TXLNG: variants seen among roughly 807,000 people sequenced by gnomAD.
TXLNG encodes gamma-taxilin.
Under a neutral mutation model 38.8 loss-of-function variants are expected in TXLNG, and 5 were observed. The observed-to-expected ratio is 0.13, with a 90% CI of 0.07 to 0.27. The LOEUF (loss-of-function observed/expected upper bound fraction) is 0.27, where lower values mean the gene tolerates loss of function less well. Ranked by LOEUF, TXLNG falls within the 10% of genes least tolerant of loss-of-function variation. TXLNG has a pLI of 1.00. For synonymous variants in TXLNG, 182 were observed against 158.2 expected (o/e 1.15, Z -1.13); for missense variants, 393 against 398.2 (o/e 0.99, Z 0.11).
chrX:16,823,619 T>C (rs1929065098), intron 3 of TXLNG, among the ~76,000 whole-genome samples: 1 of 111,303 alleles, frequency 9.0e-6, no homozygotes, highest in South Asian at 3.8e-4. Flanking sequence ...TCATTGTGCT[T>C]GTTGCACTGA....
intron 1 of TXLNG, among the ~76,000 whole-genome samples, chrX:16,791,047 G>A: frequency 8.9e-6 from 1 of 111,956 alleles, no homozygotes; most frequent in Non-Finnish European, 1.9e-5. Context: ...CCTACCACAG[G>A]GGATTACTGT....
chrX:16,802,457 G>A (rs1928141546), intron 1 of TXLNG, among the ~76,000 whole-genome samples: 1 of 109,838 alleles, frequency 9.1e-6, no homozygotes, highest in South Asian at 3.9e-4. Flanking sequence ...CGCCATGTTG[G>A]CCAGGCTGGT....
intron 1 of TXLNG, among the ~76,000 whole-genome samples, chrX:16,788,273 T>C (rs1027622611): frequency 6.2e-5 from 7 of 112,246 alleles, no homozygotes. Flanking sequence ...TGAGGTTTAA[T>C]CAACTAGCAT....
chrX:16,821,725 T>C (rs1247140379), intron 3 of TXLNG, among the ~76,000 whole-genome samples: 1 of 111,706 alleles, frequency 9.0e-6, no homozygotes, highest in Non-Finnish European at 1.9e-5. Flanking sequence ...GCGCGGTGGC[T>C]CACGCCTGTA....
At chrX:16,799,036 C>T (rs1040471041) in intron 1 of TXLNG, among the ~76,000 whole-genome samples, 7 of 110,279 alleles carry the variant, frequency 6.3e-5, no homozygotes, top group Admixed American at 3.9e-4. Flanking sequence ...TGCGCCACCA[C>T]GCCCGGCTAA....
At chrX:16,826,162 G>A (rs1165819725) in intron 3 of TXLNG, among the ~76,000 whole-genome samples, 1 of 111,873 alleles carries the variant, frequency 8.9e-6, no homozygotes, top group African/African-American at 3.2e-5. Context: ...AAAGGCAGGA[G>A]CTCTGCACCC....
At chrX:16,840,354 G>A (rs747208190) in intron 9 of TXLNG, 3 of 560,083 alleles carry the variant, frequency 5.4e-6, no homozygotes, top group Non-Finnish European at 6.5e-6. Context: ...AGGTGATGCT[G>A]ATGCAGCATG....
rs752201155 is a variant in TXLNG at position 16,805,718 on chromosome X, C to T, written c.103-12856C>T. 2.7e-5 allele frequency among the ~76,000 whole-genome samples: 3 copies of T among 112,259 alleles called. No homozygotes were observed. In the South Asian group the frequency reaches 1.1e-3, roughly 41 times the overall value. ...CAGTGCTATATAACTTAGGAAGTCT[C>T]AGACAAGTATTTCATACCTAAAATT... On this transcript the variant is annotated intron_variant, in intron 1 of 9. Transcript: ENST00000380122.
intron 1 of TXLNG, among the ~76,000 whole-genome samples, chrX:16,805,542 A>C (rs1928305657): frequency 8.9e-6 from 1 of 112,813 alleles, no homozygotes; most frequent in Non-Finnish European, 1.9e-5. Context: ...ATCTTGGTAT[A>C]TCTGGAGGGG....
At chrX:16,806,374 G>T (rs1928328314) in intron 1 of TXLNG, among the ~76,000 whole-genome samples, 1 of 112,517 alleles carries the variant, frequency 8.9e-6, no homozygotes, top group East Asian at 2.8e-4. Flanking sequence ...AGCGAGCATG[G>T]TTGCACATAC....
At chrX:16,789,294 A>G (rs776460418) in intron 1 of TXLNG, among the ~76,000 whole-genome samples, 1 of 110,892 alleles carries the variant, frequency 9.0e-6, no homozygotes, top group South Asian at 3.8e-4. Flanking sequence ...TTGTTTCATA[A>G]CTACAACCAT....
At chrX:16,807,802 G>A (rs1002042379) in intron 1 of TXLNG, among the ~76,000 whole-genome samples, 6 of 111,354 alleles carry the variant, frequency 5.4e-5, no homozygotes, top group African/African-American at 2.0e-4. Context: ...GCCTGGCCCT[G>A]GTCAAAGGTG....
chrX:16,797,760 C>T (rs1182186545), intron 1 of TXLNG, among the ~76,000 whole-genome samples: 1 of 112,486 alleles, frequency 8.9e-6, no homozygotes, highest in Non-Finnish European at 1.9e-5. Context: ...AGAAGCCAGT[C>T]ACTAGTTTCA....
chrX:16,798,027 A>G (rs1329603490), intron 1 of TXLNG, among the ~76,000 whole-genome samples: 2 of 112,411 alleles, frequency 1.8e-5, no homozygotes, highest in African/African-American at 3.2e-5. Context: ...ACATGTATGT[A>G]GTTGGAACAG....
chrX:16,839,339 G>A (rs1288646536), intron 8 of TXLNG: 2 of 111,844 alleles, frequency 1.8e-5, no homozygotes, highest in Admixed American at 1.9e-4. Flanking sequence ...TTGTGGTGGA[G>A]TGTCAGTTCT....
At chrX:16,835,279 G>T (rs772259448) in intron 7 of TXLNG, among the ~76,000 whole-genome samples, 1 of 111,299 alleles carries the variant, frequency 9.0e-6, no homozygotes, top group East Asian at 2.8e-4. Context: ...CTTGAGACTG[G>T]CATGATCTTC....
chrX:16,826,010 T>C (rs1382696155), intron 3 of TXLNG, among the ~76,000 whole-genome samples: 1 of 112,171 alleles, frequency 8.9e-6, no homozygotes, highest in Non-Finnish European at 1.9e-5. Flanking sequence ...TCATTTGCAC[T>C]AGCTACAATA....
chrX:16,804,975 C>A lies in TXLNG; in HGVS notation c.103-13599C>A, dbSNP rs1311233520. 1.2e-3 allele frequency among the ~76,000 whole-genome samples: 11 copies of A among 9,418 alleles called. 2 individuals carry two copies. The highest frequency in any genetic ancestry group is 0.013 in the East Asian group (2 of 159). The allele number at this position is 9,418 out of a possible 115,157, so 8.2% of individuals were successfully genotyped here. On this transcript the variant is annotated intron_variant, in intron 1 of 9. Coordinates refer to ENST00000380122, the MANE Select transcript of TXLNG (RefSeq NM_018360.3). ...CTCCAGTCACCACCACTGCCCACCCCCCCCCCCCGCTTTTTTTTTTTTTTT... is the reference window on the plus strand; with the variant it reads ...CTCCAGTCACCACCACTGCCCACCCACCCCCCCCGCTTTTTTTTTTTTTTT...
At chrX:16,826,950 C>T (rs1929189899) in intron 3 of TXLNG, among the ~76,000 whole-genome samples, 2 of 105,372 alleles carry the variant, frequency 1.9e-5, no homozygotes, top group African/African-American at 3.5e-5. Flanking sequence ...AAAACCCGGC[C>T]GGGCATGGTG....
Sources: gnomAD v4.1 joint callset for allele counts (sites outside exome capture counted in the v4.1 genomes callset) on GRCh38, gnomAD v4.1.1 for gene constraint, MANE v1.5 for transcripts, NCBI Gene and HGNC (gene_info 2026-07-23, HGNC 2026-07-21) for gene names.